The following GRID2 variants were observed in gnomAD, a reference collection of about 807,000 sequenced individuals.
The protein encoded by GRID2 is glutamate receptor ionotropic, delta-2.
Under a neutral mutation model 114.8 loss-of-function variants are expected in GRID2, and 33 were observed. The observed-to-expected ratio is 0.29, with a 90% CI of 0.22 to 0.38. The LOEUF is 0.38. Ranked by LOEUF, GRID2 falls within the 10% of genes least tolerant of loss-of-function variation. The pLI is 1.00. For missense variants in GRID2, 1,184 were observed against 1,257.7 expected (o/e 0.94, Z 0.89); for synonymous variants, 505 against 449.9 (o/e 1.12, Z -1.55).
intron 3 of GRID2, among the ~76,000 whole-genome samples, chr4:93,095,924 T>G (rs1162466461): frequency 6.6e-6 from 1 of 152,052 alleles, no homozygotes. Context: ...TGTGTAAAGA[T>G]CTTATATAGC....
chr4:92,912,522 C>G (rs940366328), intron 2 of GRID2, among the ~76,000 whole-genome samples: 1 of 151,644 alleles, frequency 6.6e-6, no homozygotes, highest in Non-Finnish European at 1.5e-5. Flanking sequence ...TAAAAGATAC[C>G]TTATTCCATA....
chr4:92,649,557 G>C (rs1182669385), intron 2 of GRID2, among the ~76,000 whole-genome samples: 1 of 151,786 alleles, frequency 6.6e-6, no homozygotes, highest in African/African-American at 2.4e-5. Context: ...TACAAGTAAT[G>C]TTTTACCAGC....
At chr4:93,054,292 T>TG (rs1727012918) in intron 2 of GRID2, among the ~76,000 whole-genome samples, 2 of 151,754 alleles carry the variant, frequency 1.3e-5, no homozygotes, top group Non-Finnish European at 2.9e-5. Context: ...CAATGGAAAT[T>TG]TGAACTTATT....
intron 2 of GRID2, among the ~76,000 whole-genome samples, chr4:92,919,478 A>T (rs1284616474): frequency 2.6e-5 from 4 of 151,876 alleles, no homozygotes; most frequent in African/African-American, 4.8e-5. Context: ...TGCTTTCTCT[A>T]GTGGGCATTT....
At chr4:93,282,658 GA>G (rs1176984262) in intron 8 of GRID2, among the ~76,000 whole-genome samples, 1 of 152,004 alleles carries the variant, frequency 6.6e-6, no homozygotes, top group Non-Finnish European at 1.5e-5. Context: ...TCCAACACAT[GA>G]GCTTTTGGGG....
chr4:93,533,049 A>T (rs1731612571), intron 13 of GRID2, among the ~76,000 whole-genome samples: 1 of 152,124 alleles, frequency 6.6e-6, no homozygotes, highest in South Asian at 2.1e-4. Context: ...GACCAAAAAT[A>T]TTTACCCATT....
At chr4:93,225,670 T>C (rs1057146644) in intron 7 of GRID2, among the ~76,000 whole-genome samples, 1 of 152,072 alleles carries the variant, frequency 6.6e-6, no homozygotes, top group Non-Finnish European at 1.5e-5. Flanking sequence ...ATATAAAACT[T>C]TAATATTAGA....
chr4:92,905,923 TTAAG>T (rs1163339802), intron 2 of GRID2, among the ~76,000 whole-genome samples: 4 of 152,202 alleles, frequency 2.6e-5, no homozygotes, highest in African/African-American at 7.2e-5. Flanking sequence ...CGCTCTATAA[TTAAG>T]TCTTAATATG....
At chr4:92,540,783 C>G (rs910306394) in intron 1 of GRID2, among the ~76,000 whole-genome samples, 4 of 152,062 alleles carry the variant, frequency 2.6e-5, no homozygotes, top group African/African-American at 9.7e-5. Flanking sequence ...CCCAGCCATC[C>G]CATTACTGGG....
intron 8 of GRID2, among the ~76,000 whole-genome samples, chr4:93,243,625 T>A (rs1747797360): frequency 6.6e-6 from 1 of 152,082 alleles, no homozygotes; most frequent in African/African-American, 2.4e-5. Flanking sequence ...TACCAAGGAT[T>A]CATAATCCCA....
intron 4 of GRID2, among the ~76,000 whole-genome samples, chr4:93,136,514 C>A (rs1333122656): frequency 2.0e-5 from 3 of 152,000 alleles, no homozygotes; most frequent in Admixed American, 1.3e-4. Flanking sequence ...TTTCATTTAA[C>A]CTTTAAGTTT....
chr4:93,024,686 A>C (rs1723719733), intron 2 of GRID2, among the ~76,000 whole-genome samples: 1 of 151,814 alleles, frequency 6.6e-6, no homozygotes, highest in Non-Finnish European at 1.5e-5. Context: ...CTGAATACTT[A>C]AGATTTTCAT....
chr4:93,650,446 C>G (rs1424917177), intron 14 of GRID2, among the ~76,000 whole-genome samples: 2 of 151,774 alleles, frequency 1.3e-5, no homozygotes, highest in Non-Finnish European at 2.9e-5. Context: ...AACTTTTTTT[C>G]CTGAAATTTG....
At chr4:93,442,594 G>A (rs1560623620) in intron 10 of GRID2, among the ~76,000 whole-genome samples, 1 of 151,928 alleles carries the variant, frequency 6.6e-6, no homozygotes, top group South Asian at 2.1e-4. Flanking sequence ...GCTCTATAGA[G>A]AAGAGAGAGA....
chr4:92,951,691 G>A (rs1345413593), intron 2 of GRID2, among the ~76,000 whole-genome samples: 1 of 152,028 alleles, frequency 6.6e-6, no homozygotes, highest in Non-Finnish European at 1.5e-5. Context: ...ATAAATTCAT[G>A]CCAAGCCATT....
intron 8 of GRID2, among the ~76,000 whole-genome samples, chr4:93,256,222 T>C (rs999719247): frequency 6.6e-6 from 1 of 152,084 alleles, no homozygotes; most frequent in Non-Finnish European, 1.5e-5. Context: ...TTTTCTTTTT[T>C]TGAATGGCAA....
chr4:92,990,380 C>G (rs1014314144), intron 2 of GRID2, among the ~76,000 whole-genome samples: 1 of 150,950 alleles, frequency 6.6e-6, no homozygotes, highest in Non-Finnish European at 1.5e-5. Context: ...TGGCTCACTG[C>G]CACCTGGGTT....
chr4:92,694,737 A>C (rs1476608104), intron 2 of GRID2, among the ~76,000 whole-genome samples: 3 of 152,134 alleles, frequency 2.0e-5, no homozygotes, highest in Admixed American at 2.0e-4. Context: ...AGTTACCAAA[A>C]TATGTGAAAC....
intron 2 of GRID2, among the ~76,000 whole-genome samples, chr4:92,667,782 C>T (rs1579804428): frequency 6.6e-6 from 1 of 151,680 alleles, no homozygotes; most frequent in African/African-American, 2.4e-5. Flanking sequence ...AAGTAAATCT[C>T]ATTCTCTTGC....
Sources: allele counts gnomAD v4.1 joint callset (sites outside exome capture counted in the v4.1 genomes callset), GRCh38; gene constraint gnomAD v4.1.1; transcripts MANE v1.5; gene names NCBI Gene and HGNC (gene_info 2026-07-23, HGNC 2026-07-21).